CTNND2: variants seen among roughly 807,000 people sequenced by gnomAD.
CTNND2 encodes catenin delta 2.
CTNND2 carries 22 observed loss-of-function variants against 144.4 expected under a neutral mutation model. The observed-to-expected ratio is 0.15, with a 90% CI of 0.11 to 0.22. The LOEUF (loss-of-function observed/expected upper bound fraction) is 0.22, where lower values mean the gene tolerates loss of function less well. Among genes scored for constraint, CTNND2 ranks in the 10% least tolerant of loss-of-function variants. The probability of loss-of-function intolerance (pLI) is 1.00; values close to 1 mark genes in which losing one functional copy is unlikely to be tolerated. For missense variants in CTNND2, 1,353 were observed against 1,618.8 expected, an observed-to-expected ratio of 0.84 and a Z score of 2.82; for synonymous variants, 751 against 695.6, an observed-to-expected ratio of 1.08 and a Z score of -1.25.
chr5:11,070,757 T>C (rs1748171991), intron 16 of CTNND2, among the ~76,000 whole-genome samples: 1 of 152,164 alleles, frequency 6.6e-6, no homozygotes, highest in African/African-American at 2.4e-5. Context: ...ACTAAAGACA[T>C]TTTCAAAATG....
intron 3 of CTNND2, among the ~76,000 whole-genome samples, chr5:11,512,136 T>G (rs1771707619): frequency 6.6e-6 from 1 of 152,174 alleles, no homozygotes; most frequent in Non-Finnish European, 1.5e-5. Flanking sequence ...GCAGTCTCAT[T>G]GGGCCCCACA....
intron 1 of CTNND2, among the ~76,000 whole-genome samples, chr5:11,774,372 G>A (rs1581861811): frequency 7.3e-6 from 1 of 137,852 alleles, no homozygotes. Context: ...GACACAGGAA[G>A]GGGAATATCA....
intron 3 of CTNND2, among the ~76,000 whole-genome samples, chr5:11,418,083 C>T (rs1762059885): frequency 6.6e-6 from 1 of 151,798 alleles, no homozygotes; most frequent in South Asian, 2.1e-4. Flanking sequence ...TAGTTTGACG[C>T]ACTAACGAGG....
rs1007339220 is a variant in CTNND2, at chr5:10,972,162, C to T, written c.*1291G>A. Reference sequence around the variant, plus strand: ...TGAAACTGAATTGGCCATGGTTTATCGTGTTCTGAGGGGATAAAATGTGTA... The same window carrying T: ...TGAAACTGAATTGGCCATGGTTTATTGTGTTCTGAGGGGATAAAATGTGTA... On this transcript the variant is annotated 3_prime_UTR_variant, in exon 22 of 22. Coordinates refer to ENST00000304623, the MANE Select transcript of CTNND2 (RefSeq NM_001332.4). 1.3e-5 allele frequency: 2 copies of T among 152,566 alleles called. No individual in the cohort carries two copies. The highest frequency in any genetic ancestry group is 2.9e-5 in the Non-Finnish European group (2 of 68,032). The allele number at this position is 152,566 out of a possible 1,614,324, so 9.5% of individuals were successfully genotyped here.
intron 10 of CTNND2, among the ~76,000 whole-genome samples, chr5:11,229,026 T>C (rs566684873): frequency 6.6e-6 from 1 of 152,358 alleles, no homozygotes; most frequent in Admixed American, 6.5e-5. Context: ...AAGTTTACTA[T>C]ATAAGATCTG....
chr5:11,424,051 C>A (rs182028174), intron 3 of CTNND2, among the ~76,000 whole-genome samples: 1 of 152,182 alleles, frequency 6.6e-6, no homozygotes, highest in Non-Finnish European at 1.5e-5. Context: ...TTTTGACCAT[C>A]TGAGTCATCT....
Position 11,335,652 on chromosome 5 carries a change from C to T in CTNND2, c.1628+10720G>A, listed in dbSNP as rs1053328062. ...GAGGCAGGAGAATAGGGTCTGGCGG[C>T]GGGGAACCTAAGGCCAATTCACACT... On this transcript the variant is annotated intron_variant, in intron 9 of 21. Transcript: ENST00000304623. Among the ~76,000 whole-genome samples, 6 of 152,058 alleles carry T rather than the reference C, an allele frequency of 3.9e-5. No individual in the cohort carries two copies. The South Asian group carries it at 8.3e-4, about 21-fold the overall frequency.
chr5:11,060,687 A>C (rs570335780), intron 16 of CTNND2, among the ~76,000 whole-genome samples: 1 of 152,356 alleles, frequency 6.6e-6, no homozygotes, highest in South Asian at 2.1e-4. Flanking sequence ...AGAGGAACTT[A>C]AAATGGCTTC....
intron 11 of CTNND2, among the ~76,000 whole-genome samples, chr5:11,198,268 G>A (rs1297936924): frequency 1.3e-5 from 2 of 152,074 alleles, no homozygotes; most frequent in African/African-American, 2.4e-5. Flanking sequence ...TAGTAGCACG[G>A]CAATTTTAAC....
intron 11 of CTNND2, among the ~76,000 whole-genome samples, chr5:11,169,810 T>A (rs1759719424): frequency 6.6e-6 from 1 of 152,194 alleles, no homozygotes; most frequent in Non-Finnish European, 1.5e-5. Context: ...CTGGGGCCAC[T>A]TTAAAGAGCA....
intron 3 of CTNND2, among the ~76,000 whole-genome samples, chr5:11,515,112 A>G (rs1027242311): frequency 8.1e-5 from 2 of 24,664 alleles, no homozygotes; most frequent in Admixed American, 5.7e-4. Context: ...AATGCACACC[A>G]AAAAAAAAAA....
At chr5:11,719,660 T>C (rs945480034) in intron 2 of CTNND2, among the ~76,000 whole-genome samples, 2 of 152,220 alleles carry the variant, frequency 1.3e-5, no homozygotes, top group Non-Finnish European at 2.9e-5. Flanking sequence ...GCTAACAAGT[T>C]ATATGTCAGA....
chr5:10,980,681 A>C (rs1232614068), intron 21 of CTNND2, among the ~76,000 whole-genome samples: 4 of 152,238 alleles, frequency 2.6e-5, no homozygotes, highest in African/African-American at 9.6e-5. Flanking sequence ...GGATAAAGAA[A>C]ATGTGGCACA....
At chr5:11,606,646 G>T (rs1347021571) in intron 2 of CTNND2, among the ~76,000 whole-genome samples, 1 of 152,190 alleles carries the variant, frequency 6.6e-6, no homozygotes, top group Non-Finnish European at 1.5e-5. Context: ...GTTTGCAACT[G>T]AATGAAGAGG....
At chr5:11,328,548 C>T (rs573250220) in intron 9 of CTNND2, among the ~76,000 whole-genome samples, 1 of 152,216 alleles carries the variant, frequency 6.6e-6, no homozygotes, top group Non-Finnish European at 1.5e-5. Context: ...AAGCAATCTG[C>T]CCTTCTTGGC....
At chr5:11,130,602 G>T (rs1247025966) in intron 12 of CTNND2, among the ~76,000 whole-genome samples, 1 of 152,218 alleles carries the variant, frequency 6.6e-6, no homozygotes, top group Non-Finnish European at 1.5e-5. Context: ...TGTGGATGCT[G>T]TGTGGCTAAA....
intron 1 of CTNND2, among the ~76,000 whole-genome samples, chr5:11,851,257 A>C (rs1794996492): frequency 1.3e-5 from 1 of 76,966 alleles, no homozygotes; most frequent in African/African-American, 4.6e-5. Flanking sequence ...TATCTCTCTA[A>C]TACATGCGTG....
At chr5:11,555,369 T>C (rs1028940172) in intron 3 of CTNND2, among the ~76,000 whole-genome samples, 6 of 152,112 alleles carry the variant, frequency 3.9e-5, no homozygotes, top group Non-Finnish European at 7.4e-5. Context: ...TGGGGTACTA[T>C]ATAGACATGG....
intron 18 of CTNND2, among the ~76,000 whole-genome samples, chr5:11,010,734 G>A (rs761456130): frequency 1.4e-4 from 21 of 152,200 alleles, no homozygotes; most frequent in Non-Finnish European, 2.5e-4. Flanking sequence ...TGCAATGGCC[G>A]CAAGAGCCAA....
Sources: gnomAD v4.1 joint callset for allele counts (sites outside exome capture counted in the v4.1 genomes callset) on GRCh38, gnomAD v4.1.1 for gene constraint, MANE v1.5 for transcripts, NCBI Gene and HGNC (gene_info 2026-07-23, HGNC 2026-07-21) for gene names.